The following PARP1 variants were observed in gnomAD, a reference collection of about 807,000 sequenced individuals.
PARP1 encodes poly(ADP-ribose) polymerase 1, also known as poly [ADP-ribose] polymerase 1.
Under a neutral mutation model 118.7 loss-of-function variants are expected in PARP1, and 44 were observed. The observed-to-expected ratio is 0.37, with a 90% CI of 0.29 to 0.48. PARP1 has a LOEUF of 0.48. Ranked by LOEUF, PARP1 falls within the 20% of genes least tolerant of loss-of-function variation. The probability of loss-of-function intolerance (pLI) is 0.99; values close to 1 mark genes in which losing one functional copy is unlikely to be tolerated. For missense variants in PARP1, 1,100 were observed against 1,272.4 expected, an observed-to-expected ratio of 0.86 and a Z score of 2.06; for synonymous variants, 492 against 483.2, an observed-to-expected ratio of 1.02 and a Z score of -0.24.
intron 13 of PARP1, among the ~76,000 whole-genome samples, chr1:226,375,930 T>C (rs976567766): frequency 3.9e-5 from 6 of 152,210 alleles, no homozygotes; most frequent in African/African-American, 1.4e-4. Flanking sequence ...TATCTACCAT[T>C]ACTTTAACTG....
chr1:226,389,896 A>G (rs747233464), intron 4 of PARP1, among the ~76,000 whole-genome samples: 5 of 152,128 alleles, frequency 3.3e-5, no homozygotes, highest in Non-Finnish European at 7.4e-5. Flanking sequence ...CCATGGATTC[A>G]AGACAGTCAC....
intron 2 of PARP1, among the ~76,000 whole-genome samples, chr1:226,399,214 A>G (rs1664981017): frequency 6.6e-6 from 1 of 151,762 alleles, no homozygotes; most frequent in Non-Finnish European, 1.5e-5. Context: ...CTGGGACTAC[A>G]GGTGCACACC....
chr1:226,368,928 G>C (rs1025082112), intron 15 of PARP1, among the ~76,000 whole-genome samples: 1 of 152,236 alleles, frequency 6.6e-6, no homozygotes, highest in Non-Finnish European at 1.5e-5. Context: ...TGGGATTCCA[G>C]GAATTTCGCA....
chr1:226,380,186 A>G (rs1398199783), intron 9 of PARP1, 22 bp from the exon 10 acceptor site: 2 of 1,613,264 alleles, frequency 1.2e-6, no homozygotes, highest in Non-Finnish European at 1.7e-6. Flanking sequence ...GAAAGGAAAA[A>G]AAACCAAAAT....
chr1:226,393,148 GCA>G (rs1030698566), intron 2 of PARP1, among the ~76,000 whole-genome samples: 1 of 152,052 alleles, frequency 6.6e-6, no homozygotes, highest in African/African-American at 2.4e-5. Flanking sequence ...AATACGCAGG[GCA>G]CACTGTCAAT....
intron 4 of PARP1, among the ~76,000 whole-genome samples, chr1:226,389,784 C>T (rs1404579082): frequency 6.6e-6 from 1 of 152,124 alleles, no homozygotes; most frequent in African/African-American, 2.4e-5. Flanking sequence ...AGGGTGCATA[C>T]CAGGCTCTGC....
rs573993364 is a variant in PARP1, at chr1:226,386,836, T to C, written c.718-394A>G. 3.3e-5 allele frequency among the ~76,000 whole-genome samples: 5 copies of C among 152,278 alleles called. No homozygotes were observed. The South Asian group carries it at 1.0e-3, about 32-fold the overall frequency. On this transcript the variant is annotated intron_variant, in intron 5 of 22. Coordinates refer to ENST00000366794, the MANE Select transcript of PARP1 (RefSeq NM_001618.4). The stretch of plus-strand genomic sequence containing the variant: ...AGGGTATGGCCATTCTCCACCAATC[T>C]TAGAGTAGGAATGATTCGCAAACAC...
chr1:226,391,000 CTTTTT>C (rs33944799), intron 3 of PARP1, among the ~76,000 whole-genome samples: 5 of 130,212 alleles, frequency 3.8e-5, no homozygotes, highest in South Asian at 2.5e-4. Context: ...CAATGCAGCA[CTTTTT>C]TTTTTTTTTT....
chr1:226,366,058 T>A lies in PARP1; in HGVS notation c.2407-6A>T, dbSNP rs765386949. ...TCAGAATCTCTGTCAACCACCTGGA[T>A]AAACAGAATCTTGGGATTAGCACAA... On this transcript the variant is annotated splice_region_variant and splice_polypyrimidine_tract_variant and intron_variant, in intron 17 of 22. Transcript: ENST00000366794. 14 of 1,600,414 alleles carry A rather than the reference T, an allele frequency of 8.7e-6. No individual in the cohort carries two copies. The Admixed American group carries it at 1.7e-4, about 19-fold the overall frequency.
intron 21 of PARP1, among the ~76,000 whole-genome samples, chr1:226,362,688 A>T (rs1326089332): frequency 6.6e-6 from 1 of 152,206 alleles, no homozygotes; most frequent in African/African-American, 2.4e-5. Context: ...CTATGTCACG[A>T]GAGGTCCCTC....
At chr1:226,379,045 T>C (rs1056022255) in intron 12 of PARP1, 97 bp downstream of exon 12, 1 of 1,438,362 alleles carries the variant, frequency 7.0e-7, no homozygotes, top group Non-Finnish European at 9.8e-7. Context: ...CCCCAGGCAC[T>C]GGGCCTAACG....
In PARP1 at chr1:226,380,016, TG is replaced by T. The variant is rs1664572750; in HGVS notation, c.1448del (p.Ala483GlufsTer3). ...CTTCAACAGGCTCTGCCTTCACCTC[TG>T]CCCCCCAAGGGGACAAGATGTGCGC... ...FLAHILSPWG[A>X]EVKAEPVEVV... is the part of the protein sequence containing the mutation. On this transcript the variant is annotated frameshift_variant, in exon 10 of 23. Coordinates refer to ENST00000366794, the MANE Select transcript of PARP1 (RefSeq NM_001618.4). LOFTEE classifies it high-confidence loss of function. 2 of 1,614,134 alleles carry T rather than the reference TG, an allele frequency of 1.2e-6. No individual in the cohort carries two copies. The highest frequency in any genetic ancestry group is 3.3e-5 in the Admixed American group (2 of 60,028).
In PARP1 at chr1:226,374,343, T is replaced by C. The variant is rs757762312; in HGVS notation, c.1953A>G (p.Ala651=). The part of the protein sequence containing the change: ...LEIDYGQDEE[A]VKKLTVNPGT... ...CAGGATTTACTGTCAGCTTCTTCAC[T>C]GCCTCTTCATCCTTCAGGAAAAAAG... The change falls in exon 14 of 23, where the codon GCA becomes GCG. Residue 651 remains alanine, a synonymous_variant. Coordinates refer to ENST00000366794, the MANE Select transcript of PARP1 (RefSeq NM_001618.4). 6.2e-7 allele frequency: 1 copy of C among 1,614,236 alleles called. No individual in the cohort carries two copies. Among genetic ancestry groups the C allele is most frequent in the Non-Finnish European group, 8.5e-7 (1 of 1,180,040 alleles).
chr1:226,388,536 G>A (rs1664756418), intron 5 of PARP1, 120 bp downstream of exon 5: 2 of 743,208 alleles, frequency 2.7e-6, no homozygotes, highest in Admixed American at 2.0e-5. Flanking sequence ...TTTAATAACT[G>A]CCATCAATTT....
chr1:226,379,348 C>T (rs750453961), intron 11 of PARP1, 74 bp from the exon 12 acceptor site: 53 of 1,590,214 alleles, frequency 3.3e-5, no homozygotes, highest in Non-Finnish European at 4.1e-5. Flanking sequence ...AAGGGATCTG[C>T]AGGCCTGAGG....
chr1:226,376,205 C>T (rs192663184), intron 13 of PARP1, among the ~76,000 whole-genome samples: 1 of 152,078 alleles, frequency 6.6e-6, no homozygotes, highest in Non-Finnish European at 1.5e-5. Context: ...CTCTACCCAC[C>T]TACAGATCTT....
chr1:226,377,001 G>A (rs1027672267), intron 13 of PARP1, 107 bp downstream of exon 13: 1 of 958,054 alleles, frequency 1.0e-6, no homozygotes, highest in African/African-American at 1.6e-5. Context: ...TCAACATTTG[G>A]TAGTATGTTT....
chr1:226,367,225 T>G, intron 17 of PARP1: 1 of 523,092 alleles, frequency 1.9e-6, no homozygotes, highest in Non-Finnish European at 3.5e-6. Flanking sequence ...AAAATAAATT[T>G]GTACGCCAAG....
chr1:226,366,212 C>A, intron 17 of PARP1, 160 bp from the exon 18 acceptor site: 1 of 658,536 alleles, frequency 1.5e-6, no homozygotes, highest in Non-Finnish European at 2.8e-6. Flanking sequence ...CTGGGCAGAT[C>A]CTGGGCCAGT....
Sources: allele counts gnomAD v4.1 joint callset (sites outside exome capture counted in the v4.1 genomes callset), GRCh38; gene constraint gnomAD v4.1.1; transcripts MANE v1.5; gene names NCBI Gene and HGNC (gene_info 2026-07-23, HGNC 2026-07-21).